Variants in PDE3A observed in about 807,000 individuals in gnomAD.
PDE3A encodes phosphodiesterase 3A.
PDE3A carries 43 observed loss-of-function variants against 98.3 expected under a neutral mutation model. The observed-to-expected ratio is 0.44, with a 90% CI of 0.34 to 0.56. PDE3A has a LOEUF of 0.56. Ranked by LOEUF, PDE3A falls within the 20% of genes least tolerant of loss-of-function variation. The pLI is 0.01. For missense variants in PDE3A, 1,427 were observed against 1,440.7 expected, an observed-to-expected ratio of 0.99 and a Z score of 0.15; for synonymous variants, 663 against 567.9, an observed-to-expected ratio of 1.17 and a Z score of -2.38.
rs73238426 is a variant in PDE3A, at chr12:20,656,202, T to G, written c.3184+1997T>G. 7.0e-3 allele frequency among the ~76,000 whole-genome samples: 1,063 copies of G among 152,300 alleles called. 5 individuals carry two copies. The highest frequency in any genetic ancestry group is 0.025 in the African/African-American group (1,028 of 41,562). On this transcript the variant is annotated intron_variant, in intron 15 of 15. Coordinates refer to ENST00000359062, the MANE Select transcript of PDE3A (RefSeq NM_000921.5). ...AGGTTCTTACCAAAAATACAACCAG[T>G]GAAAGACATTCTGATCATTTCGTGC... is the stretch of plus-strand genomic sequence containing the variant.
In PDE3A at chr12:20,681,546, G is replaced by A. The variant is rs1461663231; in HGVS notation, c.*1275G>A. 3 of 152,212 alleles carry A rather than the reference G, an allele frequency of 2.0e-5. No homozygotes were observed. The highest frequency in any genetic ancestry group is 2.9e-5 in the Non-Finnish European group (2 of 68,040). 9.4% of individuals were successfully genotyped at this position (152,212 alleles called of 1,614,324 possible). A position where few individuals can be genotyped will look rare whatever the true frequency, so the allele number is the denominator to read the frequency against. ...AGGAAAAGCCTGATTCTTGGCAACTGTTGTAGTTTGTCTTTCAGGGGTGAA... is the reference window on the plus strand; with the variant it reads ...AGGAAAAGCCTGATTCTTGGCAACTATTGTAGTTTGTCTTTCAGGGGTGAA... On this transcript the variant is annotated 3_prime_UTR_variant, in exon 16 of 16. Coordinates refer to ENST00000359062, the MANE Select transcript of PDE3A (RefSeq NM_000921.5).
intron 15 of PDE3A, among the ~76,000 whole-genome samples, chr12:20,656,499 T>C (rs1056658514): frequency 3.9e-5 from 6 of 152,354 alleles, no homozygotes; most frequent in South Asian, 2.1e-4. Context: ...TCAAAGTAAT[T>C]ATATTTCATT....
chr12:20,523,730 A>C (rs1342016057), intron 1 of PDE3A, among the ~76,000 whole-genome samples: 3 of 152,218 alleles, frequency 2.0e-5, no homozygotes. Context: ...GATTTCTTTC[A>C]GAAAACAATA....
At chr12:20,661,926 C>T (rs543188388) in intron 15 of PDE3A, among the ~76,000 whole-genome samples, 1 of 152,196 alleles carries the variant, frequency 6.6e-6, no homozygotes, top group Non-Finnish European at 1.5e-5. Context: ...CCTCCAGACC[C>T]CAGAATGGTA....
intron 15 of PDE3A, among the ~76,000 whole-genome samples, chr12:20,675,880 G>C (rs1008088141): frequency 1.3e-5 from 2 of 152,112 alleles, no homozygotes; most frequent in African/African-American, 4.8e-5. Flanking sequence ...TCTGTGTACA[G>C]GTGAGATGAG....
chr12:20,475,861 G>C lies in PDE3A; in HGVS notation c.961-80799G>C, dbSNP rs533521078. On this transcript the variant is annotated intron_variant, in intron 1 of 15. Transcript: ENST00000359062. ...TACCCCTAAGAAAGAAAGAAACTGA[G>C]AGGCAGATATTCTTGGAACTTTTGG... 2.0e-5 allele frequency among the ~76,000 whole-genome samples: 3 copies of C among 152,304 alleles called. No individual in the cohort carries two copies. The South Asian group carries it at 6.2e-4, about 32-fold the overall frequency.
intron 1 of PDE3A, among the ~76,000 whole-genome samples, chr12:20,428,646 A>G (rs1944641959): frequency 6.6e-6 from 1 of 152,150 alleles, no homozygotes; most frequent in Non-Finnish European, 1.5e-5. Flanking sequence ...AAATGTAAAA[A>G]CAGAATATAG....
chr12:20,369,824 C>G lies in PDE3A; in HGVS notation c.540C>G (p.Val180=). ...CGCTCGTCCAGATTGGGCTGGGCGT[C>G]GGGGAGGATCACTTACTCTCACTCC... ...GEALVQIGLG[V]GEDHLLSLPA... is the part of the protein sequence containing the mutation. The change falls in exon 1 of 16, where the codon GTC becomes GTG. Residue 180 remains valine, a synonymous_variant. Transcript: ENST00000359062. 1.2e-6 allele frequency: 2 copies of G among 1,611,792 alleles called. No homozygotes were observed. Among genetic ancestry groups the G allele is most frequent in the South Asian group, 1.1e-5 (1 of 90,950 alleles).
chr12:20,622,988 T>C (rs1440555887), intron 5 of PDE3A, among the ~76,000 whole-genome samples: 1 of 152,080 alleles, frequency 6.6e-6, no homozygotes, highest in Non-Finnish European at 1.5e-5. Context: ...GGTTAAAATA[T>C]TTAAATTAAA....
chr12:20,558,663 C>T (rs1477565309), intron 2 of PDE3A, among the ~76,000 whole-genome samples: 1 of 150,688 alleles, frequency 6.6e-6, no homozygotes, highest in Admixed American at 6.6e-5. Flanking sequence ...GTAATAACCT[C>T]TTATCTGATT....
chr12:20,448,321 A>G (rs1433509005), intron 1 of PDE3A, among the ~76,000 whole-genome samples: 1 of 152,118 alleles, frequency 6.6e-6, no homozygotes, highest in Non-Finnish European at 1.5e-5. Context: ...GGCACCTGTA[A>G]TTCCAGCTAC....
At chr12:20,578,680 T>C (rs982967619) in intron 2 of PDE3A, among the ~76,000 whole-genome samples, 1 of 152,086 alleles carries the variant, frequency 6.6e-6, no homozygotes, top group African/African-American at 2.4e-5. Flanking sequence ...TTTAAATTAT[T>C]ATTATTAGAT....
At chr12:20,475,431 A>C (rs985191677) in intron 1 of PDE3A, among the ~76,000 whole-genome samples, 3 of 152,124 alleles carry the variant, frequency 2.0e-5, no homozygotes, top group Non-Finnish European at 2.9e-5. Context: ...ATGATTCATT[A>C]AAAGAATCTT....
At chr12:20,419,867 T>C (rs1370959138) in intron 1 of PDE3A, among the ~76,000 whole-genome samples, 2 of 151,444 alleles carry the variant, frequency 1.3e-5, no homozygotes, top group Admixed American at 6.6e-5. Flanking sequence ...GCCTCTTGAG[T>C]AGCTGGGATT....
rs1326196700 is a variant in PDE3A, at chr12:20,637,252, C to A, written c.2139+15C>A. 6.4e-7 allele frequency: 1 copy of A among 1,574,166 alleles called. No individual in the cohort carries two copies. Among genetic ancestry groups the A allele is most frequent in the Admixed American group, 1.8e-5 (1 of 57,012 alleles). On this transcript the variant is annotated intron_variant, in intron 9 of 15. Transcript: ENST00000359062. ...TTCTTAGTCAGGTAAGAAATGCATT[C>A]ATTCACACTAATTTAAATATAGGAA... is the stretch of plus-strand genomic sequence containing the variant.
intron 15 of PDE3A, among the ~76,000 whole-genome samples, chr12:20,674,170 A>G (rs1034090228): frequency 3.3e-5 from 5 of 152,122 alleles, no homozygotes; most frequent in African/African-American, 7.2e-5. Flanking sequence ...TGATTTTTGT[A>G]TCCTGCAACT....
At chr12:20,408,800 C>T (rs1454696543) in intron 1 of PDE3A, among the ~76,000 whole-genome samples, 1 of 152,164 alleles carries the variant, frequency 6.6e-6, no homozygotes, top group African/African-American at 2.4e-5. Context: ...AGTTTTTCAA[C>T]AGACTTTTCT....
chr12:20,501,331 C>G (rs4128682), intron 1 of PDE3A, among the ~76,000 whole-genome samples: 2 of 152,044 alleles, frequency 1.3e-5, no homozygotes, highest in African/African-American at 2.4e-5. Flanking sequence ...TCTACAGCAC[C>G]GTAATCCATA....
chr12:20,673,985 T>C (rs1001300130), intron 15 of PDE3A, among the ~76,000 whole-genome samples: 4 of 152,180 alleles, frequency 2.6e-5, no homozygotes, highest in African/African-American at 7.2e-5. Flanking sequence ...TCGTGTGTGT[T>C]GTCTTCAACG....
Sources: allele counts gnomAD v4.1 joint callset (sites outside exome capture counted in the v4.1 genomes callset), GRCh38; gene constraint gnomAD v4.1.1; transcripts MANE v1.5; gene names NCBI Gene and HGNC (gene_info 2026-07-23, HGNC 2026-07-21).